Variants in TIAM2 observed in about 807,000 individuals in gnomAD.
The protein encoded by TIAM2 is rho guanine nucleotide exchange factor TIAM2.
Under a neutral mutation model 152.9 loss-of-function variants are expected in TIAM2, and 80 were observed. The ratio of observed to expected loss-of-function variants is 0.52; its 90% CI spans 0.44 to 0.63. The LOEUF (loss-of-function observed/expected upper bound fraction) is 0.63, where lower values mean the gene tolerates loss of function less well. Ranked by LOEUF, TIAM2 falls within the 30% of genes least tolerant of loss-of-function variation. The pLI is 0.00. For synonymous variants in TIAM2, 804 were observed against 838.0 expected (o/e 0.96, Z 0.70); for missense variants, 1,965 against 2,120.1 (o/e 0.93, Z 1.44).
intron 1 of TIAM2, among the ~76,000 whole-genome samples, chr6:155,086,398 C>A (rs560984702): frequency 1.3e-5 from 2 of 152,274 alleles, no homozygotes; most frequent in South Asian, 2.1e-4. Context: ...TGCTTAAAAT[C>A]ATTTCCATCC....
At chr6:155,157,755 G>C (rs995797679) in intron 7 of TIAM2, among the ~76,000 whole-genome samples, 4 of 152,196 alleles carry the variant, frequency 2.6e-5, no homozygotes, top group African/African-American at 9.6e-5. Flanking sequence ...AGGCGCTACT[G>C]CTCCGTAAGA....
At chr6:155,223,517 A>ATTTTTTTTTTTTTTTTTTTTTT (rs11389646) in intron 15 of TIAM2, among the ~76,000 whole-genome samples, 1 of 140,864 alleles carries the variant, frequency 7.1e-6, no homozygotes. Context: ...ACATCCCCAG[A>ATTTTTTTTTTTTTTTTTTTTTT]TTTTTTTTTC....
intron 6 of TIAM2, 55 bp from the exon 7 acceptor site, chr6:155,148,055 G>T: frequency 6.3e-7 from 1 of 1,575,068 alleles, no homozygotes; most frequent in South Asian, 1.1e-5. Context: ...CCATTTTGGA[G>T]AGCACTTTAG....
intron 9 of TIAM2, chr6:155,168,928 T>C (rs555313674): frequency 1.6e-5 from 25 of 1,526,258 alleles, no homozygotes; most frequent in Middle Eastern, 3.4e-4. Flanking sequence ...TAAACTTTGC[T>C]ATAGATGGCC....
chr6:155,025,408 C>G (rs1208422086), intron 1 of TIAM2, among the ~76,000 whole-genome samples: 2 of 152,088 alleles, frequency 1.3e-5, no homozygotes, highest in African/African-American at 4.8e-5. Flanking sequence ...GTCTCAATCT[C>G]CTGACCTCGT....
In TIAM2 at chr6:155,163,055, G is replaced by T. The variant is rs113001884; in HGVS notation, c.2029-1360G>T. Among the ~76,000 whole-genome samples, 14 of 152,306 alleles carry T rather than the reference G, an allele frequency of 9.2e-5. 1 individual carries two copies. Among genetic ancestry groups the T allele is most frequent in the East Asian group, 3.9e-4 (2 of 5,186 alleles). ...TACTTGTCTATGGGGAGAGACTGGA[G>T]GGGGCAGAGTGTCCAGTGTTGGAAA... On this transcript the variant is annotated intron_variant, in intron 7 of 26. Coordinates refer to ENST00000682666, the MANE Select transcript of TIAM2 (RefSeq NM_012454.4).
chr6:155,168,734 A>G, intron 9 of TIAM2: 1 of 832,832 alleles, frequency 1.2e-6, no homozygotes, highest in Non-Finnish European at 1.8e-6. Flanking sequence ...TGTGATATGA[A>G]GCTCTTCTAA....
At chr6:155,160,912 G>A (rs981480431) in intron 7 of TIAM2, among the ~76,000 whole-genome samples, 2 of 152,186 alleles carry the variant, frequency 1.3e-5, no homozygotes, top group African/African-American at 4.8e-5. Context: ...GAACTTTACA[G>A]TGTACAGTTT....
At chr6:155,108,964 T>G (rs928701406) in intron 2 of TIAM2, among the ~76,000 whole-genome samples, 1 of 152,112 alleles carries the variant, frequency 6.6e-6, no homozygotes, top group Non-Finnish European at 1.5e-5. Context: ...GTTAGTGAGA[T>G]CCCTTAGTTC....
At chr6:154,997,061 T>G (rs1778225962) in intron 1 of TIAM2, among the ~76,000 whole-genome samples, 1 of 152,182 alleles carries the variant, frequency 6.6e-6, no homozygotes, top group African/African-American at 2.4e-5. Flanking sequence ...ATCTACTGAC[T>G]TTCCCCAGGC....
intron 1 of TIAM2, among the ~76,000 whole-genome samples, chr6:155,087,704 G>A (rs572985063): frequency 3.3e-5 from 5 of 151,966 alleles, no homozygotes; most frequent in Non-Finnish European, 7.4e-5. Flanking sequence ...AGCTGAGATC[G>A]CGCCATTACA....
intron 15 of TIAM2, among the ~76,000 whole-genome samples, chr6:155,216,248 C>T (rs927913606): frequency 6.6e-6 from 1 of 152,114 alleles, no homozygotes; most frequent in African/African-American, 2.4e-5. Context: ...GGGAGAAGAT[C>T]TGCCTCTGTT....
chr6:155,250,634 A>G (rs1262268075), intron 21 of TIAM2: 4 of 1,535,488 alleles, frequency 2.6e-6, no homozygotes, highest in African/African-American at 1.4e-5. Context: ...GGTAGAGTTC[A>G]TCTTATGGAA....
chr6:155,149,695 G>A (rs920164455), intron 7 of TIAM2, among the ~76,000 whole-genome samples: 1 of 152,086 alleles, frequency 6.6e-6, no homozygotes, highest in Non-Finnish European at 1.5e-5. Flanking sequence ...GGCCGAGGTG[G>A]GCAGATCACC....
At chr6:155,117,305 A>G (rs1779038792) in intron 2 of TIAM2, among the ~76,000 whole-genome samples, 1 of 152,058 alleles carries the variant, frequency 6.6e-6, no homozygotes, top group Non-Finnish European at 1.5e-5. Flanking sequence ...TCCCTGAAAT[A>G]TTTTCAGTTT....
At chr6:155,176,231 G>T (rs144348056) in intron 9 of TIAM2, among the ~76,000 whole-genome samples, 1 of 151,956 alleles carries the variant, frequency 6.6e-6, no homozygotes, top group Non-Finnish European at 1.5e-5. Flanking sequence ...CATGGATTGC[G>T]GTGTTCTTTT....
chr6:155,127,678 T>A (rs2115034660), intron 3 of TIAM2, 78 bp downstream of exon 3: 1 of 440,740 alleles, frequency 2.3e-6, no homozygotes, highest in South Asian at 1.6e-5. Flanking sequence ...GGTTTAATTA[T>A]TTGGGCTAGC....
chr6:155,017,103 A>G (rs1041381884), intron 1 of TIAM2, among the ~76,000 whole-genome samples: 2 of 152,118 alleles, frequency 1.3e-5, no homozygotes, highest in South Asian at 4.2e-4. Flanking sequence ...CGAGACTAGA[A>G]TTCCTAGTTT....
In TIAM2 at chr6:155,141,588, T is replaced by G. The variant is rs548808016; in HGVS notation, c.1631-3018T>G. The stretch of plus-strand genomic sequence containing the variant: ...CAAGGCTTTGGAGGATGTAATAAAT[T>G]TTCAACAAGGGTAATTCTGCTTTCC... On this transcript the variant is annotated intron_variant, in intron 5 of 26. Transcript: ENST00000682666. 3.3e-5 allele frequency among the ~76,000 whole-genome samples: 5 copies of G among 152,314 alleles called. No individual in the cohort carries two copies. In the East Asian group the frequency reaches 9.6e-4, roughly 29 times the overall value.
Sources: gnomAD v4.1 joint callset for allele counts (sites outside exome capture counted in the v4.1 genomes callset) on GRCh38, gnomAD v4.1.1 for gene constraint, MANE v1.5 for transcripts, NCBI Gene and HGNC (gene_info 2026-07-23, HGNC 2026-07-21) for gene names.